Variants in RTN4IP1 observed in about 807,000 individuals in gnomAD.
RTN4IP1 encodes the protein NAD(P)H oxidoreductase RTN4IP1, mitochondrial.
A neutral mutation model predicts 46.6 loss-of-function variants in RTN4IP1; 32 were observed. That is an observed-to-expected ratio of 0.69 (90% CI 0.52 to 0.92). RTN4IP1 has a LOEUF of 0.92. Ranked by LOEUF, RTN4IP1 falls within the 40% of genes least tolerant of loss-of-function variation. RTN4IP1 has a pLI of 0.00. For missense variants in RTN4IP1, 424 were observed against 485.8 expected (o/e 0.87, Z 1.20); for synonymous variants, 167 against 161.8 (o/e 1.03, Z -0.24).
rs149936183 is a variant in RTN4IP1 at position 106,604,209 on chromosome 6, C to T, written c.621-1287G>A. ...TCTATCTTGCCCAAATCATAGAAGGCTGTTTGTCACCCTTATTTATAGCTT... is the reference window on the plus strand; with the variant it reads ...TCTATCTTGCCCAAATCATAGAAGGTTGTTTGTCACCCTTATTTATAGCTT... On this transcript the variant is annotated intron_variant, in intron 4 of 8. Coordinates refer to ENST00000369063, the MANE Select transcript of RTN4IP1 (RefSeq NM_032730.5). Among the ~76,000 whole-genome samples the T allele has an allele frequency of 2.6e-4, 40 of 152,258 alleles. 1 individual carries two copies. The East Asian group carries it at 6.8e-3, about 26-fold the overall frequency.
rs1327054264 is a variant in RTN4IP1 at position 106,628,930 on chromosome 6, C to G, written c.92G>C (p.Arg31Thr). 3 of 1,613,976 alleles carry G rather than the reference C, an allele frequency of 1.9e-6. No individual in the cohort carries two copies. The highest frequency in any genetic ancestry group is 1.6e-4 in the Middle Eastern group (1 of 6,076). ...RSKVVQKPSVRRISTTSPRST... is the reference protein window; with the variant it reads ...RSKVVQKPSVTRISTTSPRST... ...CCTAGGAGAGGTAGTACTAATCCTT[C>G]TAACTGAAGGCTTTTGGACAACTTT... Residue 31 changes from arginine to threonine, a missense_variant, in exon 1 of 9, where the codon AGA becomes ACA. Coordinates refer to ENST00000369063, the MANE Select transcript of RTN4IP1 (RefSeq NM_032730.5).
chr6:106,593,348 C>T (rs1775708547), intron 5 of RTN4IP1, among the ~76,000 whole-genome samples: 1 of 152,120 alleles, frequency 6.6e-6, no homozygotes, highest in Non-Finnish European at 1.5e-5. Context: ...AATTAAGTAT[C>T]CAGAAAGCAT....
At chr6:106,596,318 A>G (rs144783752) in intron 5 of RTN4IP1, among the ~76,000 whole-genome samples, 67 of 152,268 alleles carry the variant, frequency 4.4e-4, no homozygotes, top group African/African-American at 1.5e-3. Flanking sequence ...TTCTAATTTG[A>G]GACTACAAAA....
At chr6:106,592,487 T>A (rs2114642250) in intron 5 of RTN4IP1, among the ~76,000 whole-genome samples, 187 bp from the exon 6 acceptor site, 1 of 152,302 alleles carries the variant, frequency 6.6e-6, no homozygotes, top group South Asian at 2.1e-4. Flanking sequence ...ATGGTCAAAC[T>A]TTTGTTCAGT....
chr6:106,629,340 C>G lies in RTN4IP1; in HGVS notation c.-319G>C. ...GGCATTAAAAAGCAGGTGCGCAAAC[C>G]CCCTAGATCCCTGCCCTGTCCTGGG... is the stretch of plus-strand genomic sequence containing the variant. On this transcript the variant is annotated 5_prime_UTR_variant, in exon 1 of 9. Coordinates refer to ENST00000369063, the MANE Select transcript of RTN4IP1 (RefSeq NM_032730.5). 1.9e-6 allele frequency: 1 copy of G among 536,594 alleles called. No individual in the cohort carries two copies. The allele number at this position is 536,594 out of a possible 1,614,324, so 33.2% of individuals were successfully genotyped here. A position where few individuals can be genotyped will look rare whatever the true frequency, so the allele number is the denominator to read the frequency against.
At chr6:106,588,587 T>C (rs541697493) in intron 6 of RTN4IP1, among the ~76,000 whole-genome samples, 1 of 152,320 alleles carries the variant, frequency 6.6e-6, no homozygotes, top group Admixed American at 6.5e-5. Flanking sequence ...AAACTAAAAC[T>C]TCTGTAATCA....
chr6:106,619,108 A>T (rs777705738), intron 4 of RTN4IP1, 94 bp downstream of exon 4: 374 of 1,365,410 alleles, frequency 2.7e-4, no homozygotes, highest in Non-Finnish European at 3.0e-4. Context: ...CGTGTAAATG[A>T]TACTAAATTT....
chr6:106,621,082 C>A (rs1776474613), intron 3 of RTN4IP1, among the ~76,000 whole-genome samples: 1 of 152,156 alleles, frequency 6.6e-6, no homozygotes, highest in Non-Finnish European at 1.5e-5. Context: ...TTATTCAAAA[C>A]CGCTGGATAT....
At chr6:106,596,969 T>G (rs1182637895) in intron 5 of RTN4IP1, among the ~76,000 whole-genome samples, 1 of 152,182 alleles carries the variant, frequency 6.6e-6, no homozygotes, top group Non-Finnish European at 1.5e-5. Context: ...ATTTTATTTC[T>G]CTTATAAGTC....
chr6:106,625,490 C>G (rs1776611507), intron 1 of RTN4IP1, among the ~76,000 whole-genome samples: 1 of 152,036 alleles, frequency 6.6e-6, no homozygotes, highest in Non-Finnish European at 1.5e-5. Flanking sequence ...CCAGGAGCAA[C>G]TGCTGTGTAG....
chr6:106,599,596 G>A (rs72945029), intron 5 of RTN4IP1, among the ~76,000 whole-genome samples: 6,026 of 151,862 alleles, frequency 0.04, 182 homozygotes, highest in Non-Finnish European at 0.06. Flanking sequence ...ACTCGGTTGT[G>A]GTATTCATCC....
At chr6:106,611,285 G>C (rs544363779) in intron 4 of RTN4IP1, among the ~76,000 whole-genome samples, 58 of 152,066 alleles carry the variant, frequency 3.8e-4, no homozygotes, top group Non-Finnish European at 7.1e-4. Flanking sequence ...CAATGAAAAA[G>C]AACAGGTGCT....
chr6:106,621,515 A>G, intron 2 of RTN4IP1, 22 bp from the exon 3 acceptor site: 2 of 1,604,548 alleles, frequency 1.2e-6, no homozygotes, highest in Middle Eastern at 1.7e-4. Flanking sequence ...ACAGACAGAC[A>G]GCTTCATTAG....
At chr6:106,626,146 T>C (rs532244781) in intron 1 of RTN4IP1, among the ~76,000 whole-genome samples, 1 of 152,144 alleles carries the variant, frequency 6.6e-6, no homozygotes, top group South Asian at 2.1e-4. Context: ...AGCTAATCCA[T>C]ACAGCAGGAG....
rs746206163 is a variant in RTN4IP1, at chr6:106,587,791, G to C, written c.878C>G (p.Ser293Ter). 5.6e-6 allele frequency: 9 copies of C among 1,613,796 alleles called. No homozygotes were observed. Among genetic ancestry groups the C allele is most frequent in the Non-Finnish European group, 7.6e-6 (9 of 1,179,962 alleles). Residue 293 changes from serine (S) to a stop codon, truncating the protein, a stop_gained, in exon 7 of 9, where the codon TCA becomes TGA. Transcript: ENST00000369063. LOFTEE classifies it high-confidence loss of function. Reference protein sequence around the residue: ...TWAPDFLKKWSGATYVTLVTP... With the variant: ...TWAPDFLKKW ...CACCAAAGTCACATAGGTGGCTCCTGACCATTTCTTGAGAAAATCTGGAGC... is the reference window on the plus strand; with the variant it reads ...CACCAAAGTCACATAGGTGGCTCCTCACCATTTCTTGAGAAAATCTGGAGC...
chr6:106,578,219 A>G (rs1338179392), intron 8 of RTN4IP1, among the ~76,000 whole-genome samples: 1 of 152,244 alleles, frequency 6.6e-6, no homozygotes, highest in Non-Finnish European at 1.5e-5. Flanking sequence ...ATTTAAGCAG[A>G]AAACAATGAA....
intron 8 of RTN4IP1, among the ~76,000 whole-genome samples, chr6:106,573,053 C>G (rs552504846): frequency 6.6e-6 from 1 of 152,328 alleles, no homozygotes; most frequent in Non-Finnish European, 1.5e-5. Flanking sequence ...AACAACGGTG[C>G]AGCCGGTTAC....
intron 6 of RTN4IP1, among the ~76,000 whole-genome samples, chr6:106,591,663 C>A (rs2114641105): frequency 6.6e-6 from 1 of 152,196 alleles, no homozygotes; most frequent in South Asian, 2.1e-4. Flanking sequence ...TGAATGCATT[C>A]CTGCTTGGTA....
intron 8 of RTN4IP1, among the ~76,000 whole-genome samples, chr6:106,575,578 T>TA (rs772418992): frequency 8.5e-5 from 13 of 152,198 alleles, no homozygotes; most frequent in Admixed American, 3.3e-4. Flanking sequence ...CTCTCACTAC[T>TA]GCAAGAGCAT....
Sources: gnomAD v4.1 joint callset for allele counts (sites outside exome capture counted in the v4.1 genomes callset) on GRCh38, gnomAD v4.1.1 for gene constraint, MANE v1.5 for transcripts, NCBI Gene and HGNC (gene_info 2026-07-23, HGNC 2026-07-21) for gene names.